The following KCNH7 variants were observed in gnomAD, a reference collection of about 807,000 sequenced individuals.
KCNH7 encodes the protein potassium voltage-gated channel subfamily H member 7.
Under a neutral mutation model 120.8 loss-of-function variants are expected in KCNH7, and 49 were observed. That is an observed-to-expected ratio of 0.41 (90% CI 0.32 to 0.51). KCNH7 has a LOEUF of 0.51. Ranked by LOEUF, KCNH7 falls within the 20% of genes least tolerant of loss-of-function variation. KCNH7 has a pLI of 0.38. For missense variants in KCNH7, 1,097 were observed against 1,446.6 expected, an observed-to-expected ratio of 0.76 and a Z score of 3.92; for synonymous variants, 547 against 516.1, an observed-to-expected ratio of 1.06 and a Z score of -0.81.
chr2:162,632,136 A>G (rs1156609158), intron 2 of KCNH7, among the ~76,000 whole-genome samples: 3 of 152,028 alleles, frequency 2.0e-5, no homozygotes, highest in Non-Finnish European at 2.9e-5. Context: ...ACATTAATCA[A>G]CTGAAAACTA....
At chr2:162,720,431 C>T (rs9677443) in intron 2 of KCNH7, among the ~76,000 whole-genome samples, 41,065 of 151,498 alleles carry the variant, frequency 0.27, 8,114 homozygotes, top group East Asian at 0.54. Flanking sequence ...ACTTAATCCA[C>T]GTGCACAGTG....
chr2:162,741,185 CAT>C (rs1332709486), intron 2 of KCNH7, among the ~76,000 whole-genome samples: 16 of 146,958 alleles, frequency 1.1e-4, no homozygotes, highest in South Asian at 2.1e-4. Flanking sequence ...ATATTAATAA[CAT>C]ATGTTATTAA....
intron 2 of KCNH7, among the ~76,000 whole-genome samples, chr2:162,609,521 C>A (rs1371983055): frequency 6.6e-6 from 1 of 152,014 alleles, no homozygotes; most frequent in East Asian, 1.9e-4. Flanking sequence ...TCCAGGAGGG[C>A]CCTCAGAGAT....
At chr2:162,786,909 G>A (rs1035539723) in intron 2 of KCNH7, among the ~76,000 whole-genome samples, 14 of 152,194 alleles carry the variant, frequency 9.2e-5, no homozygotes, top group South Asian at 8.3e-4. Flanking sequence ...GCACTTGAGC[G>A]AAGCACGAGA....
intron 2 of KCNH7, among the ~76,000 whole-genome samples, chr2:162,550,886 GATAATAATA>G (rs34251777): frequency 1.8e-4 from 27 of 147,872 alleles, no homozygotes; most frequent in South Asian, 4.3e-4. Flanking sequence ...AACTAGGCTA[GATAATAATA>G]ATAATAATAA....
intron 2 of KCNH7, among the ~76,000 whole-genome samples, chr2:162,662,461 A>G (rs1317285371): frequency 1.2e-4 from 18 of 152,240 alleles, no homozygotes; most frequent in Admixed American, 1.1e-3. Context: ...TTACAGACAG[A>G]TACCTGAAAT....
intron 3 of KCNH7, among the ~76,000 whole-genome samples, chr2:162,525,184 C>G (rs867118408): frequency 6.6e-6 from 1 of 151,822 alleles, no homozygotes; most frequent in Non-Finnish European, 1.5e-5. Context: ...AAAGAAAAAG[C>G]AAGATCTTAT....
intron 4 of KCNH7, 96 bp from the exon 5 acceptor site, chr2:162,512,770 G>T: frequency 1.0e-6 from 1 of 957,120 alleles, no homozygotes; most frequent in Admixed American, 2.4e-5. Flanking sequence ...AACAATCAGA[G>T]AAATCAGAAT....
intron 2 of KCNH7, among the ~76,000 whole-genome samples, chr2:162,590,254 AAAG>A (rs1574141246): frequency 6.6e-6 from 1 of 152,106 alleles, no homozygotes. Context: ...GCAGGGCAGG[AAAG>A]AAGACACCTT....
chr2:162,607,505 C>G (rs1682822342), intron 2 of KCNH7, among the ~76,000 whole-genome samples: 1 of 151,734 alleles, frequency 6.6e-6, no homozygotes, highest in African/African-American at 2.4e-5. Flanking sequence ...AATGGACATT[C>G]ATGTTATAAT....
chr2:162,806,766 T>C (rs1268990701), intron 2 of KCNH7, among the ~76,000 whole-genome samples: 2 of 152,208 alleles, frequency 1.3e-5, no homozygotes, highest in Non-Finnish European at 2.9e-5. Context: ...GTGGTTTCGG[T>C]AAATCTGAAG....
chr2:162,372,962 A>G (rs917242366), intron 15 of KCNH7, among the ~76,000 whole-genome samples: 1 of 152,174 alleles, frequency 6.6e-6, no homozygotes, highest in Non-Finnish European at 1.5e-5. Flanking sequence ...GGTGGGGTAC[A>G]GACAAGATTA....
intron 4 of KCNH7, among the ~76,000 whole-genome samples, chr2:162,513,703 C>T (rs987840738): frequency 6.6e-6 from 1 of 151,646 alleles, no homozygotes; most frequent in Non-Finnish European, 1.5e-5. Context: ...AACTGCCCTC[C>T]TCCAAATGTA....
At chr2:162,394,274 C>T (rs1686835502) in intron 12 of KCNH7, 115 bp downstream of exon 12, 3 of 685,378 alleles carry the variant, frequency 4.4e-6, no homozygotes, top group East Asian at 2.7e-5. Flanking sequence ...AAGGATCTGC[C>T]CTCCTAAAGC....
At chr2:162,418,268 A>T (rs1169220535) in intron 9 of KCNH7, among the ~76,000 whole-genome samples, 3 of 151,956 alleles carry the variant, frequency 2.0e-5, no homozygotes, top group Admixed American at 6.6e-5. Flanking sequence ...CAATCTTTAT[A>T]CCCCCTTTTA....
At chr2:162,460,771 A>T (rs1269350842) in intron 6 of KCNH7, among the ~76,000 whole-genome samples, 1 of 152,166 alleles carries the variant, frequency 6.6e-6, no homozygotes, top group African/African-American at 2.4e-5. Context: ...TTTGTTATGG[A>T]AGCCCTAAGA....
At chr2:162,821,215 T>G (rs1685110852) in intron 2 of KCNH7, among the ~76,000 whole-genome samples, 1 of 152,210 alleles carries the variant, frequency 6.6e-6, no homozygotes, top group Non-Finnish European at 1.5e-5. Flanking sequence ...AAGGGACTGT[T>G]GCCATTCAAC....
chr2:162,804,290 A>G (rs1184535460), intron 2 of KCNH7, among the ~76,000 whole-genome samples: 1 of 151,792 alleles, frequency 6.6e-6, no homozygotes, highest in African/African-American at 2.4e-5. Flanking sequence ...AAGTCGTCAA[A>G]CTATCACTGT....
intron 7 of KCNH7, 27 bp downstream of exon 7, chr2:162,445,991 A>G (rs759531564): frequency 1.3e-6 from 2 of 1,532,460 alleles, no homozygotes. Flanking sequence ...AATCTTTCAG[A>G]AAATAAGAAT....
Sources: gnomAD v4.1 joint callset for allele counts (sites outside exome capture counted in the v4.1 genomes callset) on GRCh38, gnomAD v4.1.1 for gene constraint, MANE v1.5 for transcripts, NCBI Gene and HGNC (gene_info 2026-07-23, HGNC 2026-07-21) for gene names.